ATP6V0A4: variants seen among roughly 807,000 people sequenced by gnomAD.
ATP6V0A4 encodes V-type proton ATPase 116 kDa subunit a 4.
In ATP6V0A4, 86 loss-of-function variants were observed where a neutral mutation model predicts 107.3. The observed-to-expected ratio is 0.80, with a 90% CI of 0.67 to 0.96. ATP6V0A4 has a LOEUF of 0.96. Among genes scored for constraint, ATP6V0A4 ranks in the 40% least tolerant of loss-of-function variants. The pLI is 0.00. For synonymous variants in ATP6V0A4, 353 were observed against 381.4 expected (o/e 0.93, Z 0.87); for missense variants, 908 against 1,045.6 (o/e 0.87, Z 1.81).
chr7:138,720,789 AC>A (rs1195047885), intron 19 of ATP6V0A4, among the ~76,000 whole-genome samples: 16 of 152,014 alleles, frequency 1.1e-4, no homozygotes, highest in African/African-American at 3.6e-4. Flanking sequence ...GGTGCTCACC[AC>A]CATGCCTGGC....
intron 7 of ATP6V0A4, 88 bp downstream of exon 7, chr7:138,762,252 A>G: frequency 6.7e-6 from 10 of 1,494,932 alleles, no homozygotes; most frequent in African/African-American, 1.4e-5. Context: ...TCCCCATTCC[A>G]ATGGCTATTT....
chr7:138,752,958 T>C, intron 10 of ATP6V0A4, 121 bp from the exon 11 acceptor site: 2 of 1,530,410 alleles, frequency 1.3e-6, no homozygotes, highest in East Asian at 4.9e-5. Flanking sequence ...TCCTTTGACC[T>C]GTGGCTGTCA....
Position 138,768,179 on chromosome 7 carries a change from G to A in ATP6V0A4, c.291+601C>T, listed in dbSNP as rs1807189098. 7.2e-5 allele frequency among the ~76,000 whole-genome samples: 11 copies of A among 152,264 alleles called. No homozygotes were observed. The South Asian group carries it at 2.3e-3, about 32-fold the overall frequency. ...GAATTCCTGACTTCGTGATCCGCCT[G>A]CCTCGGCCTCCCAAAGTGGTGGGAT... On this transcript the variant is annotated intron_variant, in intron 5 of 21. Transcript: ENST00000310018.
chr7:138,739,418 GT>G, intron 15 of ATP6V0A4, 121 bp downstream of exon 15: 1 of 1,265,420 alleles, frequency 7.9e-7, no homozygotes, highest in Non-Finnish European at 1.1e-6. Context: ...GTCAGCAGAA[GT>G]TATTTTATCT....
rs1313759021 is a variant in ATP6V0A4 at position 138,732,870 on chromosome 7, G to A, written c.1908+7C>T. 6 of 1,576,502 alleles carry A rather than the reference G, an allele frequency of 3.8e-6. No homozygotes were observed. Among genetic ancestry groups the A allele is most frequent in the South Asian group, 2.3e-5 (2 of 85,480 alleles). On this transcript the variant is annotated splice_region_variant and intron_variant, in intron 17 of 21. Transcript: ENST00000310018. ...GAAGAGTAAAAAAAAAAAAATAGCAGAAATACCTGATGTTTGTAGAGGGGT... is the reference window on the plus strand; with the variant it reads ...GAAGAGTAAAAAAAAAAAAATAGCAAAAATACCTGATGTTTGTAGAGGGGT...
At chr7:138,728,150 C>CTT (rs1285431151) in intron 18 of ATP6V0A4, among the ~76,000 whole-genome samples, 5 of 130,664 alleles carry the variant, frequency 3.8e-5, no homozygotes, top group Non-Finnish European at 8.3e-5. Context: ...CATTCAGACC[C>CTT]TTATAAATCA....
chr7:138,720,856 T>TG (rs768998596), intron 19 of ATP6V0A4, among the ~76,000 whole-genome samples: 2 of 152,094 alleles, frequency 1.3e-5, no homozygotes, highest in African/African-American at 4.8e-5. Flanking sequence ...AGGCTGGTGT[T>TG]GGACTCCTAA....
chr7:138,711,982 G>A (rs1222435390), intron 20 of ATP6V0A4, among the ~76,000 whole-genome samples: 1 of 152,156 alleles, frequency 6.6e-6, no homozygotes, highest in Non-Finnish European at 1.5e-5. Flanking sequence ...ACCCAGGCTG[G>A]AGTGCAGTGG....
intron 21 of ATP6V0A4, among the ~76,000 whole-genome samples, chr7:138,709,105 A>G (rs1237830927): frequency 6.7e-6 from 1 of 149,016 alleles, no homozygotes; most frequent in Non-Finnish European, 1.5e-5. Flanking sequence ...GCTACTCAGG[A>G]GGCTGAGGCA....
intron 15 of ATP6V0A4, among the ~76,000 whole-genome samples, chr7:138,735,438 G>T (rs12531108): frequency 6.6e-6 from 1 of 151,990 alleles, no homozygotes; most frequent in African/African-American, 2.4e-5. Flanking sequence ...TCTGTTAAGG[G>T]GCCAACATCC....
chr7:138,749,105 G>A (rs1234760642), intron 12 of ATP6V0A4, 62 bp downstream of exon 12: 15 of 1,596,536 alleles, frequency 9.4e-6, no homozygotes, highest in Non-Finnish European at 1.3e-5. Flanking sequence ...GTCACCTCAG[G>A]GGTCCATCTT....
intron 12 of ATP6V0A4, among the ~76,000 whole-genome samples, chr7:138,747,875 C>T (rs1192965347): frequency 6.6e-6 from 1 of 152,124 alleles, no homozygotes; most frequent in Non-Finnish European, 1.5e-5. Flanking sequence ...CCACCTCAGC[C>T]TCTTGAGTAG....
intron 15 of ATP6V0A4, 88 bp downstream of exon 15, chr7:138,739,452 C>A: frequency 6.8e-7 from 1 of 1,481,308 alleles, no homozygotes; most frequent in Non-Finnish European, 9.3e-7. Flanking sequence ...GTTGATTTGA[C>A]AGGCTTTGTT....
chr7:138,708,017 TTTTATTTA>T (rs377141085), intron 21 of ATP6V0A4, among the ~76,000 whole-genome samples: 2,736 of 139,972 alleles, frequency 0.02, 46 homozygotes, highest in African/African-American at 0.051. Context: ...TTATGTTTTA[TTTTATTTA>T]TTTATTTATT....
intron 5 of ATP6V0A4, among the ~76,000 whole-genome samples, chr7:138,765,305 A>G (rs912459674): frequency 7.9e-5 from 12 of 152,194 alleles, no homozygotes; most frequent in African/African-American, 2.9e-4. Flanking sequence ...TGAACACTGA[A>G]TATAATGACA....
chr7:138,770,846 GA>G (rs770179575), intron 3 of ATP6V0A4, among the ~76,000 whole-genome samples: 52 of 152,168 alleles, frequency 3.4e-4, no homozygotes, highest in Non-Finnish European at 6.3e-4. Context: ...TGCTACATAA[GA>G]GAAAAAAAAT....
intron 2 of ATP6V0A4, among the ~76,000 whole-genome samples, chr7:138,774,474 A>G (rs1380246754): frequency 6.6e-6 from 1 of 151,632 alleles, no homozygotes; most frequent in Non-Finnish European, 1.5e-5. Context: ...CCAGCTACTC[A>G]GGAGGCTGAG....
At chr7:138,724,096 A>C (rs1324212079) in intron 18 of ATP6V0A4, among the ~76,000 whole-genome samples, 4 of 150,266 alleles carry the variant, frequency 2.7e-5, no homozygotes, top group African/African-American at 9.8e-5. Context: ...AGGCTAGGAC[A>C]GGAGGATCTC....
intron 19 of ATP6V0A4, among the ~76,000 whole-genome samples, chr7:138,719,077 T>G (rs890467147): frequency 5.9e-5 from 9 of 152,088 alleles, no homozygotes; most frequent in Middle Eastern, 3.4e-3. Flanking sequence ...TCCCAGCTAC[T>G]CGGGAGGCTG....
Sources: allele counts gnomAD v4.1 joint callset (sites outside exome capture counted in the v4.1 genomes callset), GRCh38; gene constraint gnomAD v4.1.1; transcripts MANE v1.5; gene names NCBI Gene and HGNC (gene_info 2026-07-23, HGNC 2026-07-21).